Variants in MFSD8 observed in about 807,000 individuals in gnomAD.
MFSD8 encodes major facilitator superfamily domain-containing protein 8.
MFSD8 carries 55 observed loss-of-function variants against 66.4 expected under a neutral mutation model. The observed-to-expected ratio is 0.83, with a 90% CI of 0.67 to 1.04. The LOEUF (loss-of-function observed/expected upper bound fraction) is 1.04. MFSD8 is among the 50% of genes least tolerant of loss of function. The pLI is 0.00. For missense variants in MFSD8, 550 were observed against 627.6 expected (o/e 0.88, Z 1.32); for synonymous variants, 202 against 212.8 (o/e 0.95, Z 0.44).
chr4:127,951,466 T>A (rs952101255), intron 2 of MFSD8, among the ~76,000 whole-genome samples: 2 of 152,058 alleles, frequency 1.3e-5, no homozygotes, highest in Non-Finnish European at 2.9e-5. Context: ...TGACCTCAGG[T>A]GATCTGCCTG....
chr4:127,938,589 AAAAAAATAAATAAAT>A (rs1560744526), intron 7 of MFSD8, among the ~76,000 whole-genome samples, 179 bp downstream of exon 7: 2 of 137,266 alleles, frequency 1.5e-5, no homozygotes, highest in African/African-American at 6.2e-5. Context: ...TCTCAAAAAA[AAAAAAATAAATAAAT>A]AAATAAATAA....
Position 127,939,862 on chromosome 4 carries a change from G to A in MFSD8, c.689C>T (p.Ala230Val), listed in dbSNP as rs375681665. 12 of 1,612,068 alleles carry A rather than the reference G, an allele frequency of 7.4e-6. No individual in the cohort carries two copies. The African/African-American group carries it at 1.6e-4, about 22-fold the overall frequency. Residue 230 changes from alanine (A) to valine (V), a missense_variant, in exon 6 of 12, where the codon GCC becomes GTC. Physicochemically the swap from Ala to Val is moderately conservative, Grantham distance 64. Transcript: ENST00000641686. ...ATTTCTATCTAATTACCTTAGTATG[G>A]CAAGGATCAGAATAATATTTAAAAT... is the stretch of plus-strand genomic sequence containing the variant. ...LGILNIILIL[A>V]ILREHRVDDS...
chr4:127,950,902 A>AT (rs1314462233), intron 2 of MFSD8, among the ~76,000 whole-genome samples: 3 of 151,484 alleles, frequency 2.0e-5, no homozygotes, highest in African/African-American at 7.3e-5. Context: ...GCAAAAAAAA[A>AT]ATACAAAAAT....
rs969794066 is a variant in MFSD8, at chr4:127,919,164, A to C, written c.*1466T>G. 2 of 152,198 alleles carry C rather than the reference A, an allele frequency of 1.3e-5. No homozygotes were observed. The highest frequency in any genetic ancestry group is 4.8e-5 in the African/African-American group (2 of 41,454). The allele number at this position is 152,198 out of a possible 1,614,324, so 9.4% of individuals were successfully genotyped here. A position where few individuals can be genotyped will look rare whatever the true frequency, so the allele number is the denominator to read the frequency against. On this transcript the variant is annotated 3_prime_UTR_variant, in exon 12 of 12. Coordinates refer to ENST00000641686, the MANE Select transcript of MFSD8 (RefSeq NM_001371596.2). The stretch of plus-strand genomic sequence containing the variant: ...CTGAAAAAATTGAGTTTAAGAGCAC[A>C]GCTAGTTTAGCATAAAGTGCAGATT...
At chr4:127,933,421 T>G (rs2148883878) in intron 7 of MFSD8, 1 of 228,838 alleles carries the variant, frequency 4.4e-6, no homozygotes, top group East Asian at 1.1e-4. Context: ...TTTTTATATT[T>G]TTTGTAGAGA....
At chr4:127,936,098 T>C (rs911561879) in intron 7 of MFSD8, among the ~76,000 whole-genome samples, 1 of 152,124 alleles carries the variant, frequency 6.6e-6, no homozygotes, top group Admixed American at 6.6e-5. Context: ...CCATGAAGTA[T>C]TTGGATTGTA....
At chr4:127,954,387 A>T (rs147293344) in intron 2 of MFSD8, among the ~76,000 whole-genome samples, 2,052 of 152,262 alleles carry the variant, frequency 0.013, 90 homozygotes, top group Admixed American at 0.089. Flanking sequence ...AGGCCAAGGC[A>T]GGTGGACTAC....
intron 2 of MFSD8, among the ~76,000 whole-genome samples, chr4:127,951,949 C>CAA (rs1053041884): frequency 3.3e-5 from 5 of 151,784 alleles, no homozygotes. Flanking sequence ...AGGATGGTCT[C>CAA]AATCTCCTGA....
At chr4:127,928,268 G>C (rs548442552) in intron 9 of MFSD8, among the ~76,000 whole-genome samples, 70 of 152,098 alleles carry the variant, frequency 4.6e-4, no homozygotes, top group African/African-American at 1.7e-3. Flanking sequence ...ACCACGCCCT[G>C]TATTTTTAGT....
In MFSD8 at chr4:127,920,167, T is replaced by A. The variant is rs181696565; in HGVS notation, c.*463A>T. 6.3e-4 allele frequency: 99 copies of A among 158,126 alleles called. 1 individual carries two copies. The East Asian group carries it at 0.014, about 22-fold the overall frequency. The allele number at this position is 158,126 out of a possible 1,614,324, so 9.8% of individuals were successfully genotyped here. On this transcript the variant is annotated 3_prime_UTR_variant, in exon 12 of 12. Transcript: ENST00000641686. Reference sequence around the variant, plus strand: ...CTTGATAATAGAAAATGCATTTTTTTATAAATAAAAAGTAGGTGTCTGAAT... The same window carrying A: ...CTTGATAATAGAAAATGCATTTTTTAATAAATAAAAAGTAGGTGTCTGAAT...
At chr4:127,944,267 T>C (rs190750320) in intron 3 of MFSD8, among the ~76,000 whole-genome samples, 2 of 152,274 alleles carry the variant, frequency 1.3e-5, no homozygotes, top group South Asian at 2.1e-4. Flanking sequence ...GGTAAGAAGA[T>C]AATCACACAC....
At chr4:127,941,575 C>G (rs1740200789) in intron 5 of MFSD8, among the ~76,000 whole-genome samples, 1 of 152,106 alleles carries the variant, frequency 6.6e-6, no homozygotes, top group Non-Finnish European at 1.5e-5. Flanking sequence ...GATTCCCCTG[C>G]CTCAGCCTCC....
rs781268685 is a variant in MFSD8 at position 127,921,787 on chromosome 4, C to T, written c.1103-16G>A. ...TTGTGCAAATCTGTAAAAACAAAAC[C>T]ATTGCAGTGCATTACTTGTTGATTT... On this transcript the variant is annotated splice_polypyrimidine_tract_variant and intron_variant, in intron 10 of 11. Coordinates refer to ENST00000641686, the MANE Select transcript of MFSD8 (RefSeq NM_001371596.2). 6.2e-7 allele frequency: 1 copy of T among 1,613,832 alleles called. No individual in the cohort carries two copies. The highest frequency in any genetic ancestry group is 2.2e-5 in the East Asian group (1 of 44,892).
At chr4:127,928,441 G>C (rs1293543607) in intron 9 of MFSD8, among the ~76,000 whole-genome samples, 3 of 152,026 alleles carry the variant, frequency 2.0e-5, no homozygotes, top group Non-Finnish European at 4.4e-5. Context: ...CTTTTAAACA[G>C]TGAATAGACA....
intron 9 of MFSD8, among the ~76,000 whole-genome samples, chr4:127,928,866 A>C (rs1254401954): frequency 6.6e-6 from 1 of 152,208 alleles, no homozygotes; most frequent in Non-Finnish European, 1.5e-5. Flanking sequence ...ATGAATGGAT[A>C]AATGTGGTAT....
chr4:127,941,966 A>C, intron 5 of MFSD8, 79 bp downstream of exon 5: 2 of 1,130,220 alleles, frequency 1.8e-6, no homozygotes, highest in Non-Finnish European at 2.7e-6. Flanking sequence ...GAGTTTTTAT[A>C]CTTGGGTTAC....
At chr4:127,956,097 C>T (rs1471373126) in intron 2 of MFSD8, among the ~76,000 whole-genome samples, 1 of 151,884 alleles carries the variant, frequency 6.6e-6, no homozygotes, top group Non-Finnish European at 1.5e-5. Context: ...CCAGCCTGGG[C>T]GACTCCACCT....
intron 2 of MFSD8, among the ~76,000 whole-genome samples, chr4:127,955,959 A>G (rs1303581191): frequency 6.6e-6 from 1 of 151,678 alleles, no homozygotes. Flanking sequence ...TCTACTAAAG[A>G]TACAAAAAAA....
At chr4:127,963,010 T>C (rs1206616891) in intron 1 of MFSD8, among the ~76,000 whole-genome samples, 1 of 152,228 alleles carries the variant, frequency 6.6e-6, no homozygotes, top group Non-Finnish European at 1.5e-5. Flanking sequence ...AATTATTATG[T>C]ATATTTCAAA....
Sources: gnomAD v4.1 joint callset for allele counts (sites outside exome capture counted in the v4.1 genomes callset) on GRCh38, gnomAD v4.1.1 for gene constraint, MANE v1.5 for transcripts, NCBI Gene and HGNC (gene_info 2026-07-23, HGNC 2026-07-21) for gene names.